Variants in EIF3B observed in about 807,000 individuals in gnomAD.
EIF3B encodes the protein eukaryotic translation initiation factor 3 subunit B.
In EIF3B, 10 loss-of-function variants were observed where a neutral mutation model predicts 104.6. The ratio of observed to expected loss-of-function variants is 0.10; its 90% CI spans 0.06 to 0.16. The LOEUF (loss-of-function observed/expected upper bound fraction) is 0.16, where lower values mean the gene tolerates loss of function less well. Among genes scored for constraint, EIF3B ranks in the 10% least tolerant of loss-of-function variants. The probability of loss-of-function intolerance (pLI) is 1.00; values close to 1 mark genes in which losing one functional copy is unlikely to be tolerated. For synonymous variants in EIF3B, 542 were observed against 417.2 expected (o/e 1.30, Z -3.65); for missense variants, 1,014 against 1,087.9 (o/e 0.93, Z 0.96).
intron 13 of EIF3B, 144 bp from the exon 14 acceptor site, chr7:2,375,244 GC>G: frequency 1.1e-6 from 1 of 926,948 alleles, no homozygotes; most frequent in Non-Finnish European, 1.7e-6. Context: ...TCTCACAGCG[GC>G]CACCAGAGGC....
chr7:2,375,235 C>T lies in EIF3B; in HGVS notation c.1890-154C>T. 3 of 830,402 alleles carry T rather than the reference C, an allele frequency of 3.6e-6. No individual in the cohort carries two copies. The South Asian group carries it at 4.7e-5, about 13-fold the overall frequency. The allele number at this position is 830,402 out of a possible 1,614,324, so 51.4% of individuals were successfully genotyped here. A position where few individuals can be genotyped will look rare whatever the true frequency, so the allele number is the denominator to read the frequency against. ...ACTCTGCATCTGTGATTTGGTAAGT[C>T]TCACAGCGGCCACCAGAGGCTGTTG... On this transcript the variant is annotated intron_variant, in intron 13 of 18. Coordinates refer to ENST00000360876, the MANE Select transcript of EIF3B (RefSeq NM_001037283.2).
chr7:2,372,863 C>T, intron 12 of EIF3B, 68 bp downstream of exon 12: 1 of 1,558,308 alleles, frequency 6.4e-7, no homozygotes. Flanking sequence ...CGCTGCCCAA[C>T]AGTGAGCATT....
chr7:2,366,707 A>G (rs892306467), intron 8 of EIF3B, 116 bp downstream of exon 8: 2 of 1,207,538 alleles, frequency 1.7e-6, no homozygotes, highest in Non-Finnish European at 2.4e-6. Flanking sequence ...ATGCATAGGA[A>G]AGGCCTGTCT....
At chr7:2,370,849 G>A (rs1029133923) in intron 10 of EIF3B, among the ~76,000 whole-genome samples, 7 of 152,146 alleles carry the variant, frequency 4.6e-5, no homozygotes, top group Admixed American at 2.0e-4. Flanking sequence ...GCTGAGGCGG[G>A]GCATCACAAG....
rs13309306 is a variant in EIF3B, at chr7:2,378,347, T to G, written c.2155-342T>G. On this transcript the variant is annotated intron_variant, in intron 15 of 18. Coordinates refer to ENST00000360876, the MANE Select transcript of EIF3B (RefSeq NM_001037283.2). ...GATGCTGTGTTGTGTGAATGACCCTTGGTGTCATGGAGGAAGGAACAGGCG... is the reference window on the plus strand; with the variant it reads ...GATGCTGTGTTGTGTGAATGACCCTGGGTGTCATGGAGGAAGGAACAGGCG... 1,731 of 185,914 alleles carry G rather than the reference T, an allele frequency of 9.3e-3. 33 individuals carry two copies. Among genetic ancestry groups the G allele is most frequent in the African/African-American group, 0.056 (1,056 of 18,812 alleles). The allele number at this position is 185,914 out of a possible 1,614,324, so 11.5% of individuals were successfully genotyped here.
At chr7:2,359,412 T>C (rs528242199) in intron 1 of EIF3B, among the ~76,000 whole-genome samples, 20 of 152,084 alleles carry the variant, frequency 1.3e-4, no homozygotes, top group Non-Finnish European at 2.5e-4. Flanking sequence ...CACGCCTCTA[T>C]AATGAGATCT....
chr7:2,361,604 A>G (rs768054275), intron 2 of EIF3B, among the ~76,000 whole-genome samples: 2 of 151,232 alleles, frequency 1.3e-5, no homozygotes, highest in African/African-American at 2.4e-5. Flanking sequence ...TATTTTTAGT[A>G]GAGACGGGGT....
intron 15 of EIF3B, among the ~76,000 whole-genome samples, chr7:2,377,499 A>T: frequency 7.1e-6 from 1 of 140,036 alleles, no homozygotes; most frequent in African/African-American, 2.7e-5. Context: ...CGCTCCTGGG[A>T]TGCTGTGTTG....
chr7:2,358,228 C>G (rs1316169239), intron 1 of EIF3B, among the ~76,000 whole-genome samples: 2 of 152,158 alleles, frequency 1.3e-5, no homozygotes, highest in Admixed American at 1.3e-4. Flanking sequence ...GGATTATAAG[C>G]ATGTGCCACC....
chr7:2,379,366 G>A, intron 17 of EIF3B, 28 bp from the exon 18 acceptor site: 1 of 1,566,446 alleles, frequency 6.4e-7, no homozygotes, highest in Non-Finnish European at 8.7e-7. Context: ...GTGCCCCCAT[G>A]GGTGATCTGC....
intron 5 of EIF3B, 147 bp downstream of exon 5, chr7:2,363,907 C>T: frequency 1.1e-6 from 1 of 949,250 alleles, no homozygotes; most frequent in Non-Finnish European, 1.5e-6. Flanking sequence ...TTCTTTTATT[C>T]CTCTTCCAGC....
intron 12 of EIF3B, among the ~76,000 whole-genome samples, 169 bp downstream of exon 12, chr7:2,372,964 G>A (rs1266181059): frequency 6.6e-6 from 1 of 152,202 alleles, no homozygotes; most frequent in Non-Finnish European, 1.5e-5. Context: ...TGGCCTGGAG[G>A]TGCCGCCTCC....
At chr7:2,379,843 C>T (rs1780899557) in intron 18 of EIF3B, 1 of 324,940 alleles carries the variant, frequency 3.1e-6, no homozygotes. Flanking sequence ...CGCGGTGTGT[C>T]CACTGGAAAG....
At chr7:2,378,880 C>A in intron 16 of EIF3B, 114 bp downstream of exon 16, 1 of 979,292 alleles carries the variant, frequency 1.0e-6, no homozygotes. Flanking sequence ...TCCGAAGACA[C>A]TGGTTCTGTT....
chr7:2,369,811 T>G (rs1221691262), intron 10 of EIF3B, 129 bp downstream of exon 10: 9 of 764,550 alleles, frequency 1.2e-5, no homozygotes, highest in Non-Finnish European at 1.8e-5. Context: ...GGAGTCTCAC[T>G]CTGTCACCAG....
In EIF3B at chr7:2,377,091, C is replaced by A. The variant is rs772046392; in HGVS notation, c.2154+16C>A. 1.9e-6 allele frequency: 3 copies of A among 1,596,060 alleles called. No individual in the cohort carries two copies. The highest frequency in any genetic ancestry group is 2.3e-5 in the East Asian group (1 of 44,360). On this transcript the variant is annotated intron_variant, in intron 15 of 18. Transcript: ENST00000360876. ...ACAGATCAAGGTCAGCATGCCCCCA[C>A]CCCCGGGTGCAGGGCACATGGAGGC...
intron 9 of EIF3B, among the ~76,000 whole-genome samples, chr7:2,367,570 A>G (rs984486187): frequency 4.6e-5 from 7 of 152,136 alleles, no homozygotes; most frequent in Non-Finnish European, 5.9e-5. Context: ...CCTGGGTTCA[A>G]GTGATTCTTC....
Position 2,366,569 on chromosome 7 carries a change from C to T in EIF3B, c.1334C>T (p.Thr445Met), listed in dbSNP as rs549332269. 9.3e-6 allele frequency: 15 copies of T among 1,614,178 alleles called. No homozygotes were observed. Among genetic ancestry groups the T allele is most frequent in the South Asian group, 5.5e-5 (5 of 91,086 alleles). ...TTCTTTGCCAGAATGACCCTGGATA[C>T]GCTTAGCATCTATGAAACTCCTGTA... ...GKFFARMTLD[T>M]LSIYETPSMG... Residue 445 changes from threonine to methionine, a missense_variant, in exon 8 of 19, where the codon ACG (threonine) becomes ATG (methionine). This residue lies in a region of EIF3B where 201 missense variants were observed against 240.7 expected (regional missense o/e 0.83). Transcript: ENST00000360876.
In EIF3B at chr7:2,369,486, C is replaced by G; in HGVS notation, c.1418C>G (p.Ser473Cys). 1 of 1,614,208 alleles carries G rather than the reference C, an allele frequency of 6.2e-7. No homozygotes were observed. The highest frequency in any genetic ancestry group is 2.2e-5 in the East Asian group (1 of 44,880). The change falls in exon 10 of 19, where the codon TCT (serine) becomes TGT (cysteine). Residue 473 changes from serine (S) to cysteine (C), a missense_variant. Ser to Cys is a moderately radical substitution (Grantham distance 112). Around this residue, in one of 4 missense-constraint regions of EIF3B, gnomAD observed 201 missense variants for 240.7 expected, o/e 0.83. Transcript: ENST00000360876. ...KISGIKDFSW[S>C]PGGNIIAFWV... is the part of the protein sequence containing the mutation. Reference sequence around the variant, plus strand: ...CTGTTCTGCAGAGACTTTTCTTGGTCTCCTGGTGGTAACATAATCGCCTTC... The same window carrying G: ...CTGTTCTGCAGAGACTTTTCTTGGTGTCCTGGTGGTAACATAATCGCCTTC...
Sources: gnomAD v4.1 joint callset for allele counts (sites outside exome capture counted in the v4.1 genomes callset) on GRCh38, gnomAD v4.1.1 for gene constraint, gnomAD v4.1.1 regional missense constraint, MANE v1.5 for transcripts, NCBI Gene and HGNC (gene_info 2026-07-23, HGNC 2026-07-21) for gene names.